Variants in RAPGEF5 observed in about 807,000 individuals in gnomAD.
RAPGEF5 encodes the protein M-Ras-regulated GEF.
Under a neutral mutation model 125.2 loss-of-function variants are expected in RAPGEF5, and 65 were observed. The ratio of observed to expected loss-of-function variants is 0.52; its 90% CI spans 0.43 to 0.64. The LOEUF (loss-of-function observed/expected upper bound fraction) is 0.64, where lower values mean the gene tolerates loss of function less well. Ranked by LOEUF, RAPGEF5 falls within the 30% of genes least tolerant of loss-of-function variation. The pLI, the probability that RAPGEF5 is intolerant of heterozygous loss-of-function variation, is 0.00. For synonymous variants in RAPGEF5, 391 were observed against 385.9 expected (o/e 1.01, Z -0.16); for missense variants, 958 against 1,048.1 (o/e 0.91, Z 1.19).
At chr7:22,280,979 A>T (rs1782661311) in intron 6 of RAPGEF5, among the ~76,000 whole-genome samples, 1 of 152,240 alleles carries the variant, frequency 6.6e-6, no homozygotes, top group South Asian at 2.1e-4. Context: ...GCCTGAAAAT[A>T]TACTTCTGAC....
At chr7:22,295,731 C>A (rs942545261) in intron 5 of RAPGEF5, among the ~76,000 whole-genome samples, 19 of 151,910 alleles carry the variant, frequency 1.3e-4, no homozygotes, top group African/African-American at 4.6e-4. Flanking sequence ...AAATCTTATG[C>A]CAAGTTCCAT....
intron 22 of RAPGEF5, 99 bp from the exon 23 acceptor site, chr7:22,136,224 T>A: frequency 1.2e-6 from 1 of 825,950 alleles, no homozygotes; most frequent in Non-Finnish European, 1.9e-6. Context: ...ATAACTTAGA[T>A]ATAGAGAGAT....
At chr7:22,340,603 A>T (rs1335718899) in intron 1 of RAPGEF5, among the ~76,000 whole-genome samples, 1 of 152,208 alleles carries the variant, frequency 6.6e-6, no homozygotes, top group Admixed American at 6.5e-5. Flanking sequence ...TGGAAAAGGG[A>T]TTCCTGTATG....
chr7:22,148,425 T>C (rs1783513937), intron 18 of RAPGEF5, among the ~76,000 whole-genome samples: 2 of 152,250 alleles, frequency 1.3e-5, no homozygotes, highest in African/African-American at 4.8e-5. Flanking sequence ...AATTTTTCTA[T>C]CTCATTCCTT....
intron 7 of RAPGEF5, among the ~76,000 whole-genome samples, chr7:22,233,067 G>A (rs901229295): frequency 1.3e-5 from 2 of 152,042 alleles, no homozygotes; most frequent in African/African-American, 4.8e-5. Context: ...GGAAACTTAA[G>A]AACAAAGAAA....
intron 3 of RAPGEF5, 65 bp downstream of exon 3, chr7:22,315,305 T>C: frequency 6.6e-7 from 1 of 1,508,518 alleles, no homozygotes; most frequent in Non-Finnish European, 8.9e-7. Flanking sequence ...GGTTACAATT[T>C]TAACACAGGG....
Position 22,160,016 on chromosome 7 carries a change from C to T in RAPGEF5, c.1526+502G>A, listed in dbSNP as rs59062633. On this transcript the variant is annotated intron_variant, in intron 14 of 25. Coordinates refer to ENST00000665637, the MANE Select transcript of RAPGEF5 (RefSeq NM_012294.5). Reference sequence around the variant, plus strand: ...CCCAGATACTTAGGAGGCTGAGGCACGAAAATCGCTCGAACCCAGGAGGTG... The same window carrying T: ...CCCAGATACTTAGGAGGCTGAGGCATGAAAATCGCTCGAACCCAGGAGGTG... Among the ~76,000 whole-genome samples the T allele has an allele frequency of 5.1e-3, 773 of 152,030 alleles. 11 individuals carry two copies. Among genetic ancestry groups the T allele is most frequent in the African/African-American group, 0.018 (743 of 41,458 alleles).
Position 22,318,002 on chromosome 7 carries a change from T to G in RAPGEF5, c.267A>C (p.Glu89Asp). 1 of 1,548,256 alleles carries G rather than the reference T, an allele frequency of 6.5e-7. No individual in the cohort carries two copies. The change falls in exon 2 of 26, where the codon GAA becomes GAC. Residue 89 changes from glutamate to aspartate, a missense_variant. Transcript: ENST00000665637. Reference sequence around the variant, plus strand: ...GGAATCATACCTGGGAAGGCGTATGTTCAAGGTACGGATTAGATATTCTTC... The same window carrying G: ...GGAATCATACCTGGGAAGGCGTATGGTCAAGGTACGGATTAGATATTCTTC... ...LSRRISNPYLEHTPSQIYGEN... is the reference protein window; with the variant it reads ...LSRRISNPYLDHTPSQIYGEN...
chr7:22,348,572 G>A (rs1352283032), intron 1 of RAPGEF5, among the ~76,000 whole-genome samples: 3 of 152,168 alleles, frequency 2.0e-5, no homozygotes, highest in Non-Finnish European at 4.4e-5. Context: ...ATGACTTCTA[G>A]GATGAGTCAT....
intron 11 of RAPGEF5, among the ~76,000 whole-genome samples, chr7:22,175,033 T>C (rs1203711606): frequency 3.3e-5 from 5 of 151,992 alleles, no homozygotes; most frequent in African/African-American, 1.2e-4. Context: ...GTTTGGGCGA[T>C]GGTAAGGGAA....
chr7:22,347,967 A>T (rs1210439473), intron 1 of RAPGEF5, among the ~76,000 whole-genome samples: 1 of 152,206 alleles, frequency 6.6e-6, no homozygotes, highest in Non-Finnish European at 1.5e-5. Context: ...AAATATTTTG[A>T]TTCAAAAAAA....
intron 18 of RAPGEF5, among the ~76,000 whole-genome samples, chr7:22,148,815 G>C (rs1783526867): frequency 6.6e-6 from 1 of 152,150 alleles, no homozygotes; most frequent in Non-Finnish European, 1.5e-5. Context: ...AGGCATAGAG[G>C]ATATTCAGAG....
At chr7:22,234,489 C>G (rs1341111310) in intron 7 of RAPGEF5, among the ~76,000 whole-genome samples, 1 of 152,190 alleles carries the variant, frequency 6.6e-6, no homozygotes, top group Non-Finnish European at 1.5e-5. Flanking sequence ...CTCCTTATCT[C>G]TCAACACACA....
intron 7 of RAPGEF5, among the ~76,000 whole-genome samples, chr7:22,250,606 AT>A (rs1442001007): frequency 6.6e-6 from 1 of 152,172 alleles, no homozygotes; most frequent in Non-Finnish European, 1.5e-5. Flanking sequence ...CAGGACAAAG[AT>A]TTCCCTTGAT....
At chr7:22,193,189 CAT>C (rs1785049091) in intron 11 of RAPGEF5, 176 bp downstream of exon 11, 1 of 659,964 alleles carries the variant, frequency 1.5e-6, no homozygotes. Flanking sequence ...TTGGGATCTA[CAT>C]GTGTCCATTT....
chr7:22,240,670 G>C (rs1451678347), intron 7 of RAPGEF5, among the ~76,000 whole-genome samples: 1 of 152,078 alleles, frequency 6.6e-6, no homozygotes, highest in East Asian at 1.9e-4. Context: ...ACCATGACTA[G>C]CCAGCTTTAC....
chr7:22,332,975 C>A (rs1783950467), intron 1 of RAPGEF5, among the ~76,000 whole-genome samples: 1 of 151,938 alleles, frequency 6.6e-6, no homozygotes, highest in Non-Finnish European at 1.5e-5. Context: ...ATATGGTTAC[C>A]CAGGTCACAC....
At chr7:22,238,078 A>G (rs1402503681) in intron 7 of RAPGEF5, among the ~76,000 whole-genome samples, 2 of 152,216 alleles carry the variant, frequency 1.3e-5, no homozygotes, top group African/African-American at 2.4e-5. Flanking sequence ...GAAGTAGATC[A>G]TAATTGGAAA....
chr7:22,190,643 A>C (rs1784965050), intron 11 of RAPGEF5, among the ~76,000 whole-genome samples: 1 of 152,190 alleles, frequency 6.6e-6, no homozygotes, highest in Non-Finnish European at 1.5e-5. Flanking sequence ...TGTTAACATC[A>C]ATCAGTAATC....
Sources: allele counts gnomAD v4.1 joint callset (sites outside exome capture counted in the v4.1 genomes callset), GRCh38; gene constraint gnomAD v4.1.1; transcripts MANE v1.5; gene names NCBI Gene and HGNC (gene_info 2026-07-23, HGNC 2026-07-21).